GUCY2C: variants seen among roughly 807,000 people sequenced by gnomAD.
The protein encoded by GUCY2C is guanylate cyclase 2C.
Under a neutral mutation model 131.1 loss-of-function variants are expected in GUCY2C, and 118 were observed. The ratio of observed to expected loss-of-function variants is 0.90; its 90% confidence interval spans 0.78 to 1.05. GUCY2C has a LOEUF of 1.05. Among genes scored for constraint, GUCY2C ranks in the 50% least tolerant of loss-of-function variants. The probability of loss-of-function intolerance (pLI) is 0.00; values close to 1 mark genes in which losing one functional copy is unlikely to be tolerated. For synonymous variants in GUCY2C, 452 were observed against 457.8 expected, an observed-to-expected ratio of 0.99 and a Z score of 0.16; for missense variants, 1,161 against 1,304.4, an observed-to-expected ratio of 0.89 and a Z score of 1.69.
At chr12:14,692,444 A>T (rs1392802588) in intron 1 of GUCY2C, among the ~76,000 whole-genome samples, 2 of 152,090 alleles carry the variant, frequency 1.3e-5, no homozygotes, top group Non-Finnish European at 2.9e-5. Context: ...TGATGAATTT[A>T]TAAAAAATGT....
intron 24 of GUCY2C, among the ~76,000 whole-genome samples, chr12:14,617,466 T>G (rs1206196515): frequency 2.0e-5 from 3 of 152,008 alleles, no homozygotes; most frequent in Non-Finnish European, 2.9e-5. Context: ...CAAGCTTGGG[T>G]GTTGGAGTTT....
intron 6 of GUCY2C, among the ~76,000 whole-genome samples, chr12:14,677,765 AGACGGG>A (rs1948268782): frequency 7.0e-6 from 1 of 142,424 alleles, no homozygotes; most frequent in Non-Finnish European, 1.5e-5. Context: ...TTTTTAGTAG[AGACGGG>A]TTTTCAGCAT....
chr12:14,688,109 C>A (rs747786095), intron 1 of GUCY2C, 46 bp from the exon 2 acceptor site: 1 of 1,139,762 alleles, frequency 8.8e-7, no homozygotes, highest in African/African-American at 1.5e-5. Flanking sequence ...TGTTATTTTT[C>A]AGTAATTTAT....
intron 10 of GUCY2C, among the ~76,000 whole-genome samples, chr12:14,661,461 CAG>C (rs1947865560): frequency 1.3e-5 from 2 of 152,034 alleles, no homozygotes; most frequent in South Asian, 2.1e-4. Context: ...CTTTTTGAGA[CAG>C]AGTTTCACTC....
Position 14,625,777 on chromosome 12 carries a change from A to G in GUCY2C, c.2388T>C (p.Leu796=), listed in dbSNP as rs765165625. ...CTTACCTTGGAAGCAACATAAAGTT[A>G]AGTCTGTCAGCCCTGTCCCTCTCTG... ...YKAERDRADR[L]NFMLLPRLVV... The change falls in exon 21 of 27, where the codon CTT becomes CTC. Residue 796 remains leucine (L), a synonymous_variant. Coordinates refer to ENST00000261170, the MANE Select transcript of GUCY2C (RefSeq NM_004963.4). The G allele has an allele frequency of 1.2e-6, 2 of 1,613,878 alleles. No individual in the cohort carries two copies. Among genetic ancestry groups the G allele is most frequent in the African/African-American group, 2.7e-5 (2 of 74,930 alleles).
At chr12:14,678,307 T>G (rs1183075299) in intron 6 of GUCY2C, among the ~76,000 whole-genome samples, 1 of 152,246 alleles carries the variant, frequency 6.6e-6, no homozygotes, top group African/African-American at 2.4e-5. Flanking sequence ...AGAATTAGAA[T>G]GTGAACACAT....
intron 1 of GUCY2C, among the ~76,000 whole-genome samples, chr12:14,690,295 A>G (rs1001170457): frequency 6.6e-6 from 1 of 152,188 alleles, no homozygotes; most frequent in Admixed American, 6.5e-5. Context: ...CATTTCCTCT[A>G]TGGGCTACTC....
intron 20 of GUCY2C, among the ~76,000 whole-genome samples, chr12:14,628,245 G>C (rs936124584): frequency 3.9e-5 from 6 of 152,150 alleles, no homozygotes; most frequent in Admixed American, 6.6e-5. Flanking sequence ...TAGGGCCAAA[G>C]CTGGAGATTT....
chr12:14,696,128 T>C, intron 1 of GUCY2C, 104 bp downstream of exon 1: 1 of 877,732 alleles, frequency 1.1e-6, no homozygotes, highest in Non-Finnish European at 1.9e-6. Flanking sequence ...GGACAGTCCT[T>C]AGAGAAAGTT....
chr12:14,625,064 G>A (rs961944848), intron 21 of GUCY2C, among the ~76,000 whole-genome samples: 1 of 152,178 alleles, frequency 6.6e-6, no homozygotes, highest in African/African-American at 2.4e-5. Flanking sequence ...CATGGGTTCT[G>A]CCCTTCTATC....
intron 15 of GUCY2C, among the ~76,000 whole-genome samples, chr12:14,647,773 A>AT (rs1292559038): frequency 2.6e-5 from 4 of 151,740 alleles, no homozygotes; most frequent in African/African-American, 9.7e-5. Context: ...ATTAAGGAGG[A>AT]TTTTTTGAGT....
At chr12:14,651,933 A>T in intron 14 of GUCY2C, 26 bp downstream of exon 14, 1 of 1,285,620 alleles carries the variant, frequency 7.8e-7, no homozygotes, top group Non-Finnish European at 1.1e-6. Context: ...GTTATTTCTC[A>T]AGGGTTTGAA....
intron 11 of GUCY2C, among the ~76,000 whole-genome samples, chr12:14,660,318 C>G (rs1259460419): frequency 1.3e-5 from 2 of 152,168 alleles, no homozygotes; most frequent in Admixed American, 1.3e-4. Flanking sequence ...TTTATGTATT[C>G]AATAAATATT....
chr12:14,657,729 G>A (rs888003622), intron 11 of GUCY2C, among the ~76,000 whole-genome samples: 2 of 152,074 alleles, frequency 1.3e-5, no homozygotes, highest in Admixed American at 1.3e-4. Flanking sequence ...GATGATCTGA[G>A]GTGGAACAGT....
Position 14,678,995 on chromosome 12 carries a change from G to A in GUCY2C, c.830+662C>T, listed in dbSNP as rs142816238. On this transcript the variant is annotated intron_variant, in intron 6 of 26. Coordinates refer to ENST00000261170, the MANE Select transcript of GUCY2C (RefSeq NM_004963.4). ...GAAAAGATCACCACCTAGTGACTAC[G>A]CCACAGAGGGTGAGGAATAATTGTG... Among the ~76,000 whole-genome samples, 9 of 152,250 alleles carry A rather than the reference G, an allele frequency of 5.9e-5. No homozygotes were observed. The East Asian group carries it at 1.5e-3, about 26-fold the overall frequency.
intron 4 of GUCY2C, among the ~76,000 whole-genome samples, chr12:14,682,725 C>T (rs1948372823): frequency 6.6e-6 from 1 of 152,104 alleles, no homozygotes; most frequent in Admixed American, 6.5e-5. Context: ...CTTTCATTTT[C>T]CTTGTCTATA....
chr12:14,649,071 C>A (rs536048908), intron 15 of GUCY2C, among the ~76,000 whole-genome samples: 1 of 152,120 alleles, frequency 6.6e-6, no homozygotes, highest in African/African-American at 2.4e-5. Flanking sequence ...CTTCCCTGAG[C>A]TATGGTTTCA....
At chr12:14,669,863 T>C (rs1231938412) in intron 9 of GUCY2C, 30 bp from the exon 10 acceptor site, 2 of 894,910 alleles carry the variant, frequency 2.2e-6, no homozygotes, top group Non-Finnish European at 3.6e-6. Flanking sequence ...AGAAAAAGGA[T>C]GAACAGTAAA....
chr12:14,645,408 G>A, intron 15 of GUCY2C, 93 bp from the exon 16 acceptor site: 1 of 644,280 alleles, frequency 1.6e-6, no homozygotes, highest in Non-Finnish European at 2.7e-6. Context: ...TTCAAATTAT[G>A]AAACCTTAGG....
Sources: gnomAD v4.1 joint callset for allele counts (sites outside exome capture counted in the v4.1 genomes callset) on GRCh38, gnomAD v4.1.1 for gene constraint, MANE v1.5 for transcripts, NCBI Gene and HGNC (gene_info 2026-07-23, HGNC 2026-07-21) for gene names.